The following MUC5B variants were observed in gnomAD, a reference collection of about 807,000 sequenced individuals.
The protein encoded by MUC5B is mucin 5B, oligomeric mucus/gel-forming.
MUC5B carries 116 observed loss-of-function variants against 376.9 expected under a neutral mutation model. The observed-to-expected ratio is 0.31, with a 90% confidence interval of 0.26 to 0.36. The LOEUF is 0.36. MUC5B is among the 10% of genes least tolerant of loss of function. The probability of loss-of-function intolerance (pLI) is 1.00; values close to 1 mark genes in which losing one functional copy is unlikely to be tolerated. For synonymous variants in MUC5B, 3,517 were observed against 3,390.9 expected, an observed-to-expected ratio of 1.04 and a Z score of -1.29; for missense variants, 7,165 against 7,769.9, an observed-to-expected ratio of 0.92 and a Z score of 2.93.
chr11:1,241,998 G>C lies in MUC5B; in HGVS notation c.5118G>C (p.Leu1706Phe). 1.3e-6 allele frequency: 2 copies of C among 1,589,578 alleles called. No homozygotes were observed. The highest frequency in any genetic ancestry group is 1.7e-6 in the Non-Finnish European group (2 of 1,168,826). Residue 1706 changes from leucine to phenylalanine, a missense_variant, in exon 31 of 49, where the codon TTG becomes TTC. Physicochemically the swap from Leu to Phe is conservative, Grantham distance 22. Around this residue, in one of 31 missense-constraint regions of MUC5B, gnomAD observed 897 missense variants for 779.6 expected, o/e 1.15. Coordinates refer to ENST00000529681, the MANE Select transcript of MUC5B (RefSeq NM_002458.3). ...RSALPGTTGS[L>F]GTWRPSQPPT... Reference sequence around the variant, plus strand: ...CCCTTCCAGGGACGACGGGGAGCTTGGGCACATGGCGCCCCTCACAGCCAC... The same window carrying C: ...CCCTTCCAGGGACGACGGGGAGCTTCGGCACATGGCGCCCCTCACAGCCAC...
Position 1,227,128 on chromosome 11 carries a change from G to A in MUC5B, c.559G>A (p.Gly187Arg), listed in dbSNP as rs769890888. 6.8e-6 allele frequency: 11 copies of A among 1,612,118 alleles called. No homozygotes were observed. Among genetic ancestry groups the A allele is most frequent in the Middle Eastern group, 1.7e-4 (1 of 6,052 alleles). ...IRLVLTFLWN[G>R]EDSALLELDP... ...GCTGGTGCTGACATTCCTGTGGAAC[G>A]GAGAGGACAGTGCCCTGGTGAGGAA... The change falls in exon 5 of 49, where the codon GGA becomes AGA. Residue 187 changes from glycine to arginine, a missense_variant. Physicochemically the swap from Gly to Arg is moderately radical, Grantham distance 125 (BLOSUM62 -2). This residue lies in a region of MUC5B where 640 missense variants were observed against 733.0 expected (regional missense o/e 0.87). Coordinates refer to ENST00000529681, the MANE Select transcript of MUC5B (RefSeq NM_002458.3).
Position 1,242,621 on chromosome 11 carries a change from C to T in MUC5B, c.5741C>T (p.Ala1914Val). The T allele has an allele frequency of 6.2e-7, 1 of 1,613,854 alleles. No homozygotes were observed. The highest frequency in any genetic ancestry group is 8.5e-7 in the Non-Finnish European group (1 of 1,179,812). ...TWILTKPTTT[A>V]TTTASTGSTA... ...ATCCTCACAAAGCCGACCACAACAG[C>T]CACTACGACTGCGTCCACTGGATCC... Residue 1914 changes from alanine (A) to valine (V), a missense_variant, in exon 31 of 49, where the codon GCC becomes GTC. Coordinates refer to ENST00000529681, the MANE Select transcript of MUC5B (RefSeq NM_002458.3).
In MUC5B at chr11:1,249,988, GCCA is replaced by G. The variant is rs61430934; in HGVS notation, c.13113_13115del (p.Thr4373del). Reference sequence around the variant, plus strand: ...CACCTCCACAGTGCTGACCACGAAGGCCACCACGACAAGGGCCACCAGTTCCAC... The same window carrying G: ...CACCTCCACAGTGCTGACCACGAAGGCCACGACAAGGGCCACCAGTTCCAC... On this transcript the variant is annotated inframe_deletion, in exon 31 of 49. Transcript: ENST00000529681. 0.075 allele frequency: 121,127 copies of G among 1,611,056 alleles called. 5,100 individuals carry two copies. The highest frequency in any genetic ancestry group is 0.12 in the Admixed American group (7,108 of 59,796).
chr11:1,255,616 C>A (rs1303914417), intron 37 of MUC5B, 58 bp downstream of exon 37: 4 of 552,638 alleles, frequency 7.2e-6, no homozygotes, highest in Non-Finnish European at 6.4e-6. Flanking sequence ...GTGTCCTGTG[C>A]GGTGAGTGGG....
In MUC5B at chr11:1,242,623, A is replaced by C; in HGVS notation, c.5743A>C (p.Thr1915Pro). The C allele has an allele frequency of 6.2e-7, 1 of 1,613,746 alleles. No individual in the cohort carries two copies. Among genetic ancestry groups the C allele is most frequent in the East Asian group, 2.2e-5 (1 of 44,874 alleles). ...CCTCACAAAGCCGACCACAACAGCC[A>C]CTACGACTGCGTCCACTGGATCCAC... Reference protein sequence around the residue: ...WILTKPTTTATTTASTGSTAT... With the variant: ...WILTKPTTTAPTTASTGSTAT... The change falls in exon 31 of 49, where the codon ACT (threonine) becomes CCT (proline). Residue 1915 changes from threonine (T) to proline (P), a missense_variant. Transcript: ENST00000529681.
In MUC5B at chr11:1,240,278, C is replaced by A. The variant is rs2672798; in HGVS notation, c.3873C>A (p.Ser1291Arg). 6.2e-7 allele frequency: 1 copy of A among 1,613,614 alleles called. No individual in the cohort carries two copies. The highest frequency in any genetic ancestry group is 1.3e-5 in the African/African-American group (1 of 74,932). ...CCTGCTTGATCGCCATCTGCGGAAG[C>A]AACGGCACCATCATCAGGAAGGCTG... ...LGACLIAICG[S>R]NGTIIRKAVA... The change falls in exon 30 of 49, where the codon AGC becomes AGA. Residue 1291 changes from serine (S) to arginine (R), a missense_variant. Physicochemically the swap from Ser to Arg is moderately radical, Grantham distance 110. Coordinates refer to ENST00000529681, the MANE Select transcript of MUC5B (RefSeq NM_002458.3).
At chr11:1,239,748 G>T in intron 27 of MUC5B, 51 bp from the exon 28 acceptor site, 1 of 1,564,738 alleles carries the variant, frequency 6.4e-7, no homozygotes, top group East Asian at 2.3e-5. Context: ...GCCCCTGGCT[G>T]GAGAGACTAA....
rs569416510 is a variant in MUC5B, at chr11:1,243,679, T to C, written c.6799T>C (p.Ser2267Pro). The change falls in exon 31 of 49, where the codon TCT becomes CCT. Residue 2267 changes from serine (S) to proline (P), a missense_variant. Transcript: ENST00000529681. ...CAGCAGAACCACCGAGTCACCCCCT[T>C]CTCCAGGGACGACCACCCCGGGCCA... is the stretch of plus-strand genomic sequence containing the variant. The part of the protein sequence containing the change: ...PSSRTTESPP[S>P]PGTTTPGHTT... 18 of 1,604,938 alleles carry C rather than the reference T, an allele frequency of 1.1e-5. No individual in the cohort carries two copies. In the South Asian group the frequency reaches 1.9e-4, roughly 17 times the overall value.
chr11:1,250,174 G>A lies in MUC5B; in HGVS notation c.13294G>A (p.Ala4432Thr), dbSNP rs759894075. 1 of 1,588,602 alleles carries A rather than the reference G, an allele frequency of 6.3e-7. No homozygotes were observed. Among genetic ancestry groups the A allele is most frequent in the African/African-American group, 1.3e-5 (1 of 74,312 alleles). ...TELTTTATTT[A>T]STGSTATPSS... ...GCTGACCACAACAGCCACTACGACT[G>A]CGTCCACTGGATCCACGGCCACCCC... The change falls in exon 31 of 49, where the codon GCG becomes ACG. Residue 4432 changes from alanine (A) to threonine (T), a missense_variant. By Grantham distance (58) the Ala-to-Thr change is moderately conservative (BLOSUM62 0). Around this residue, in one of 31 missense-constraint regions of MUC5B, gnomAD observed 431 missense variants for 390.4 expected, o/e 1.10. Coordinates refer to ENST00000529681, the MANE Select transcript of MUC5B (RefSeq NM_002458.3).
At position 1,226,680 on chromosome 11, in the gene MUC5B, G is replaced by A. The variant is rs770580785; in HGVS notation, c.265G>A (p.Asp89Asn). The change falls in exon 4 of 49, where the codon GAC (aspartate) becomes AAC (asparagine). Residue 89 changes from aspartate (D) to asparagine (N), a missense_variant. Physicochemically the swap from Asp to Asn is conservative, Grantham distance 23. Around this residue, in one of 31 missense-constraint regions of MUC5B, gnomAD observed 640 missense variants for 733.0 expected, o/e 0.87. Coordinates refer to ENST00000529681, the MANE Select transcript of MUC5B (RefSeq NM_002458.3). ...GGGTGACTTCCACTACAAGACCTTCGACGGCGACGTCTTCCGCTTCCCTGG... is the reference window on the plus strand; with the variant it reads ...GGGTGACTTCCACTACAAGACCTTCAACGGCGACGTCTTCCGCTTCCCTGG... Reference protein sequence around the residue: ...TWGDFHYKTFDGDVFRFPGLC... With the variant: ...TWGDFHYKTFNGDVFRFPGLC... 10 of 1,612,570 alleles carry A rather than the reference G, an allele frequency of 6.2e-6. No individual in the cohort carries two copies. The highest frequency in any genetic ancestry group is 4.5e-5 in the East Asian group (2 of 44,874).
chr11:1,229,144 G>A (rs768744705), intron 8 of MUC5B, 26 bp from the exon 9 acceptor site: 3 of 1,556,328 alleles, frequency 1.9e-6, no homozygotes, highest in East Asian at 2.3e-5. Context: ...CCTTCCCCTG[G>A]CCCAGCCCCA....
rs1862594484 is a variant in MUC5B, at chr11:1,249,217, A to G, written c.12337A>G (p.Ser4113Gly). The G allele has an allele frequency of 6.2e-7, 1 of 1,611,352 alleles. No individual in the cohort carries two copies. The highest frequency in any genetic ancestry group is 1.1e-5 in the South Asian group (1 of 90,976). ...GACCCGCACCTCGACCCTGCTGCCC[A>G]GCAGCCCCACATCGGCCCCCATAAC... is the stretch of plus-strand genomic sequence containing the variant. ...SKTRTSTLLP[S>G]SPTSAPITTV... Residue 4113 changes from serine to glycine, a missense_variant, in exon 31 of 49, where the codon AGC becomes GGC. Transcript: ENST00000529681.
At chr11:1,254,961 G>A (rs1862796832) in intron 35 of MUC5B, 80 bp from the exon 36 acceptor site, 1 of 1,128,098 alleles carries the variant, frequency 8.9e-7, no homozygotes, top group Non-Finnish European at 1.3e-6. Context: ...AGCCTGGGGA[G>A]GGGAATGAGT....
In MUC5B at chr11:1,251,543, C is replaced by T. The variant is rs1179572666; in HGVS notation, c.14663C>T (p.Thr4888Ile). ...GTGACCACCATGGCCACTATGCCCA[C>T]AGCCACTGCCTCCACGGTTCCCAGC... ...KVVTTMATMP[T>I]ATASTVPSSS... The change falls in exon 31 of 49, where the codon ACA becomes ATA. Residue 4888 changes from threonine to isoleucine, a missense_variant. Transcript: ENST00000529681. The T allele has an allele frequency of 5.0e-6, 8 of 1,601,966 alleles. No individual in the cohort carries two copies. Among genetic ancestry groups the T allele is most frequent in the Non-Finnish European group, 6.8e-6 (8 of 1,172,642 alleles).
intron 14 of MUC5B, 42 bp from the exon 15 acceptor site, chr11:1,231,954 G>C: frequency 2.5e-6 from 4 of 1,610,726 alleles, no homozygotes; most frequent in Non-Finnish European, 2.5e-6. Flanking sequence ...AGCCAGGTGG[G>C]CCCAACAGTG....
rs547157880 is a variant in MUC5B at position 1,239,626 on chromosome 11, G to T, written c.3583+60G>T. On this transcript the variant is annotated intron_variant, in intron 27 of 48. Transcript: ENST00000529681. ...TCCTTGGGTTCCCGAGTGTACGTGG[G>T]GGGGCGGGGATCCCCAGGGACGCGG... 1.7e-4 allele frequency: 256 copies of T among 1,524,496 alleles called. 1 individual carries two copies. Among genetic ancestry groups the T allele is most frequent in the East Asian group, 1.4e-3 (60 of 44,030 alleles). The allele number at this position is 1,524,496 out of a possible 1,614,324, so 94.4% of individuals were successfully genotyped here.
chr11:1,247,091 C>G lies in MUC5B; in HGVS notation c.10211C>G (p.Thr3404Ser), dbSNP rs770495362. The G allele has an allele frequency of 7.0e-6, 11 of 1,562,830 alleles. No homozygotes were observed. In the South Asian group the frequency reaches 1.2e-4, roughly 16 times the overall value. ...ATTITATGST[T>S]NPSSTPGTTP... ...ACGATCACAGCCACCGGCTCCACCA[C>G]CAACCCCTCCTCAACTCCAGGGACA... is the stretch of plus-strand genomic sequence containing the variant. The change falls in exon 31 of 49, where the codon ACC becomes AGC. Residue 3404 changes from threonine to serine, a missense_variant. Coordinates refer to ENST00000529681, the MANE Select transcript of MUC5B (RefSeq NM_002458.3).
rs1368959547 is a variant in MUC5B, at chr11:1,239,824, C to A, written c.3609C>A (p.Ser1203Arg). Residue 1203 changes from serine (S) to arginine (R), a missense_variant, in exon 28 of 49, where the codon AGC becomes AGA. Around this residue, in one of 31 missense-constraint regions of MUC5B, gnomAD observed 517 missense variants for 545.3 expected, o/e 0.95. Coordinates refer to ENST00000529681, the MANE Select transcript of MUC5B (RefSeq NM_002458.3). ...GCTGCTACCCGAAGTGCCCACCCAG[C>A]CAGCCCTTCTTCAATGAGGACCAGA... The part of the protein sequence containing the change: ...LEGCYPKCPP[S>R]QPFFNEDQMK... 5.0e-6 allele frequency: 8 copies of A among 1,611,926 alleles called. No individual in the cohort carries two copies. Among genetic ancestry groups the A allele is most frequent in the African/African-American group, 1.3e-5 (1 of 74,876 alleles).
In MUC5B at chr11:1,242,634, G is replaced by A. The variant is rs191106798; in HGVS notation, c.5754G>A (p.Ala1918=). The change falls in exon 31 of 49, where the codon GCG becomes GCA. Residue 1918 remains alanine (A), a synonymous_variant. Coordinates refer to ENST00000529681, the MANE Select transcript of MUC5B (RefSeq NM_002458.3). ...CGACCACAACAGCCACTACGACTGC[G>A]TCCACTGGATCCACGGCCACCCCGA... ...TKPTTTATTT[A]STGSTATPTS... 876 of 1,613,340 alleles carry A rather than the reference G, an allele frequency of 5.4e-4. 7 individuals are homozygous for A. The African/African-American group carries it at 7.7e-3, about 14-fold the overall frequency.
Sources: gnomAD v4.1 joint callset for allele counts on GRCh38, gnomAD v4.1.1 for gene constraint, gnomAD v4.1.1 regional missense constraint, MANE v1.5 for transcripts, NCBI Gene and HGNC (gene_info 2026-07-23, HGNC 2026-07-21) for gene names.